Variants in TRPC4 observed in about 807,000 individuals in gnomAD.
The protein encoded by TRPC4 is short transient receptor potential channel 4.
Under a neutral mutation model 99.4 loss-of-function variants are expected in TRPC4, and 49 were observed. The observed-to-expected ratio is 0.49, with a 90% CI of 0.39 to 0.63. The LOEUF (loss-of-function observed/expected upper bound fraction) is 0.63, where lower values mean the gene tolerates loss of function less well. Ranked by LOEUF, TRPC4 falls within the 20% of genes least tolerant of loss-of-function variation. TRPC4 has a pLI of 0.00. For synonymous variants in TRPC4, 454 were observed against 425.9 expected, an observed-to-expected ratio of 1.07 and a Z score of -0.81; for missense variants, 898 against 1,152.9, an observed-to-expected ratio of 0.78 and a Z score of 3.20.
intron 6 of TRPC4, among the ~76,000 whole-genome samples, chr13:37,661,291 ATAAT>A (rs1316526324): frequency 1.3e-5 from 2 of 152,208 alleles, no homozygotes; most frequent in Non-Finnish European, 2.9e-5. Context: ...GATTTATGTT[ATAAT>A]TAGTTTGTAA....
chr13:37,818,674 C>T (rs1957931274), intron 1 of TRPC4, among the ~76,000 whole-genome samples: 1 of 151,982 alleles, frequency 6.6e-6, no homozygotes, highest in African/African-American at 2.4e-5. Context: ...AGCTGGAAAC[C>T]ATCATTCTCA....
intron 1 of TRPC4, among the ~76,000 whole-genome samples, chr13:37,830,700 G>A (rs1958396003): frequency 1.3e-5 from 2 of 148,610 alleles, no homozygotes; most frequent in South Asian, 2.1e-4. Flanking sequence ...CAACCAGAGC[G>A]AAATTCCGTT....
rs776121635 is a variant in TRPC4 at position 37,637,090 on chromosome 13, G to A, written c.2747C>T (p.Thr916Met). ...TCCTACCTGTAACCCCAGTGTGTCC[G>A]TATTCCTTTCTCTATGGTCTACTAA... ...CVLVDHRERNTDTLGLQVGKR... is the reference protein window; with the variant it reads ...CVLVDHRERNMDTLGLQVGKR... The change falls in exon 11 of 11, where the codon ACG becomes ATG. Residue 916 changes from threonine to methionine, a missense_variant. By Grantham distance (81) the Thr-to-Met change is moderately conservative (BLOSUM62 -1). Coordinates refer to ENST00000379705, the MANE Select transcript of TRPC4 (RefSeq NM_016179.4). 1 of 1,613,674 alleles carries A rather than the reference G, an allele frequency of 6.2e-7. No individual in the cohort carries two copies.
intron 1 of TRPC4, among the ~76,000 whole-genome samples, chr13:37,800,511 A>G (rs1957373420): frequency 6.6e-6 from 1 of 152,214 alleles, no homozygotes; most frequent in Non-Finnish European, 1.5e-5. Flanking sequence ...GTATGCATTT[A>G]GTATTTAGTT....
intron 2 of TRPC4, among the ~76,000 whole-genome samples, chr13:37,776,059 T>G (rs1956693190): frequency 6.6e-6 from 1 of 151,840 alleles, no homozygotes; most frequent in African/African-American, 2.4e-5. Flanking sequence ...TAGTGCAGCA[T>G]GATCCATCTT....
chr13:37,733,364 A>C (rs1955297661), intron 3 of TRPC4, among the ~76,000 whole-genome samples: 2 of 152,088 alleles, frequency 1.3e-5, no homozygotes, highest in Non-Finnish European at 2.9e-5. Flanking sequence ...AGAGAAGGGA[A>C]ATTAGCCAGC....
At chr13:37,656,001 C>T (rs1466545503) in intron 6 of TRPC4, among the ~76,000 whole-genome samples, 4 of 152,092 alleles carry the variant, frequency 2.6e-5, no homozygotes, top group Non-Finnish European at 5.9e-5. Flanking sequence ...GGACATAATG[C>T]ATCTTGTAAG....
intron 2 of TRPC4, among the ~76,000 whole-genome samples, chr13:37,772,623 C>T (rs1330646566): frequency 5.3e-5 from 8 of 151,662 alleles, no homozygotes; most frequent in South Asian, 4.2e-4. Context: ...TATGAGGAGG[C>T]GTATAGGATA....
intron 6 of TRPC4, among the ~76,000 whole-genome samples, chr13:37,656,950 G>T (rs1482009611): frequency 1.3e-5 from 2 of 152,156 alleles, no homozygotes; most frequent in Non-Finnish European, 2.9e-5. Context: ...TCAGAAGACT[G>T]AAGGGCTATA....
chr13:37,708,296 A>G (rs1310242675), intron 3 of TRPC4, among the ~76,000 whole-genome samples: 2 of 152,158 alleles, frequency 1.3e-5, no homozygotes, highest in African/African-American at 4.8e-5. Context: ...GATAGCAAGC[A>G]GAACCTATCT....
chr13:37,828,751 A>G (rs577969809), intron 1 of TRPC4, among the ~76,000 whole-genome samples: 2 of 152,348 alleles, frequency 1.3e-5, no homozygotes, highest in African/African-American at 4.8e-5. Context: ...CAAATACCAC[A>G]TCTTCTCCCT....
chr13:37,863,354 GATA>G (rs57778519), intron 1 of TRPC4, among the ~76,000 whole-genome samples: 196 of 151,552 alleles, frequency 1.3e-3, no homozygotes, highest in African/African-American at 4.6e-3. Context: ...TATACTATTT[GATA>G]ATAATTTGTG....
At chr13:37,838,810 A>T (rs1958646328) in intron 1 of TRPC4, among the ~76,000 whole-genome samples, 1 of 152,168 alleles carries the variant, frequency 6.6e-6, no homozygotes, top group African/African-American at 2.4e-5. Context: ...CATATTCTAC[A>T]TTTGCATATA....
At chr13:37,833,403 T>A (rs1958475307) in intron 1 of TRPC4, among the ~76,000 whole-genome samples, 1 of 152,178 alleles carries the variant, frequency 6.6e-6, no homozygotes, top group Non-Finnish European at 1.5e-5. Context: ...ACAACGACTT[T>A]CACAACCATC....
chr13:37,794,462 A>G (rs1437487597), intron 1 of TRPC4, among the ~76,000 whole-genome samples: 1 of 152,114 alleles, frequency 6.6e-6, no homozygotes, highest in African/African-American at 2.4e-5. Context: ...TACTTATCCA[A>G]AGATTAAATA....
intron 3 of TRPC4, among the ~76,000 whole-genome samples, chr13:37,735,121 C>A (rs1287760964): frequency 1.3e-5 from 2 of 152,046 alleles, no homozygotes; most frequent in African/African-American, 2.4e-5. Context: ...GAGAGTTTTA[C>A]TGTGTGTCTT....
At chr13:37,639,187 A>G in intron 9 of TRPC4, 58 bp from the exon 10 acceptor site, 1 of 1,612,606 alleles carries the variant, frequency 6.2e-7, no homozygotes. Context: ...TTTCCTCCTG[A>G]GTCAGTTCTG....
At chr13:37,844,845 G>A (rs959283697) in intron 1 of TRPC4, among the ~76,000 whole-genome samples, 3 of 152,224 alleles carry the variant, frequency 2.0e-5, no homozygotes, top group South Asian at 4.1e-4. Flanking sequence ...CATAGCCTCT[G>A]GCTCTGCCTA....
chr13:37,809,844 A>C (rs1957626607), intron 1 of TRPC4, among the ~76,000 whole-genome samples: 1 of 152,084 alleles, frequency 6.6e-6, no homozygotes, highest in Admixed American at 6.6e-5. Flanking sequence ...TAGACTCTGA[A>C]GGTTCACCCT....
Sources: gnomAD v4.1 joint callset for allele counts (sites outside exome capture counted in the v4.1 genomes callset) on GRCh38, gnomAD v4.1.1 for gene constraint, MANE v1.5 for transcripts, NCBI Gene and HGNC (gene_info 2026-07-23, HGNC 2026-07-21) for gene names.